LRIF1: variants seen among roughly 807,000 people sequenced by gnomAD.
LRIF1 encodes the protein ligand-dependent nuclear receptor-interacting factor 1.
In LRIF1, 32 loss-of-function variants were observed where a neutral mutation model predicts 52.7. That is an observed-to-expected ratio of 0.61 (90% CI 0.46 to 0.82). LRIF1 has a LOEUF of 0.82. Ranked by LOEUF, LRIF1 falls within the 40% of genes least tolerant of loss-of-function variation. The pLI, the probability that LRIF1 is intolerant of heterozygous loss-of-function variation, is 0.00. For missense variants in LRIF1, 887 were observed against 892.0 expected, an observed-to-expected ratio of 0.99 and a Z score of 0.07; for synonymous variants, 323 against 317.4, an observed-to-expected ratio of 1.02 and a Z score of -0.19.
chr1:110,952,514 C>T lies in LRIF1; in HGVS notation c.370G>A (p.Gly124Arg). 1.2e-6 allele frequency: 2 copies of T among 1,613,652 alleles called. No individual in the cohort carries two copies. The highest frequency in any genetic ancestry group is 1.7e-6 in the Non-Finnish European group (2 of 1,179,620). ...TSEKGRVTSVGTGNFSSSVSK... is the reference protein window; with the variant it reads ...TSEKGRVTSVRTGNFSSSVSK... ...ACTGATGAAGAAAAATTTCCAGTTC[C>T]CACAGAAGTAACTCTACCTTTTTCT... The change falls in exon 2 of 4, where the codon GGA becomes AGA. Residue 124 changes from glycine to arginine, a missense_variant. Physicochemically the swap from Gly to Arg is moderately radical, Grantham distance 125. Transcript: ENST00000369763.
In LRIF1 at chr1:110,952,234, G is replaced by A; in HGVS notation, c.650C>T (p.Thr217Ile). 6.2e-7 allele frequency: 1 copy of A among 1,614,198 alleles called. No homozygotes were observed. The highest frequency in any genetic ancestry group is 8.5e-7 in the Non-Finnish European group (1 of 1,180,048). ...QKILATATTS[T>I]SGMVEASQMP... ...TTGGGAGGCCTCAACCATTCCTGAG[G>A]TACTGGTGGTGGCAGTTGCAAGTAT... Residue 217 changes from threonine to isoleucine, a missense_variant, in exon 2 of 4, where the codon ACC (threonine) becomes ATC (isoleucine). Physicochemically the swap from Thr to Ile is moderately conservative, Grantham distance 89. Transcript: ENST00000369763.
At chr1:110,953,643 ATC>A (rs999225828) in intron 1 of LRIF1, among the ~76,000 whole-genome samples, 10 of 152,078 alleles carry the variant, frequency 6.6e-5, no homozygotes, top group African/African-American at 1.9e-4. Context: ...ATATATACTA[ATC>A]TCTGTTTGCA....
chr1:110,912,313 G>T, the LRIF1 span, among the ~76,000 whole-genome samples: 1 of 152,082 alleles, frequency 6.6e-6, no homozygotes, highest in Non-Finnish European at 1.5e-5. Flanking sequence ...CTGGGTTCAA[G>T]CGATTCTCAT....
chr1:110,927,433 A>G, the LRIF1 span, among the ~76,000 whole-genome samples: 1 of 152,198 alleles, frequency 6.6e-6, no homozygotes, highest in Non-Finnish European at 1.5e-5. Flanking sequence ...AACACAGAGG[A>G]ATAACCTGAA....
chr1:110,888,892 T>A, the LRIF1 span, among the ~76,000 whole-genome samples: 1 of 152,330 alleles, frequency 6.6e-6, no homozygotes, highest in South Asian at 2.1e-4. Context: ...GGGGACTACA[T>A]TCATTTGAAT....
chr1:110,957,688 G>A (rs1020754295), intron 1 of LRIF1, among the ~76,000 whole-genome samples: 1 of 152,108 alleles, frequency 6.6e-6, no homozygotes, highest in Non-Finnish European at 1.5e-5. Context: ...AAAAGTAGTA[G>A]TCTATCCTAC....
the LRIF1 span, among the ~76,000 whole-genome samples, chr1:110,886,846 A>AATATATAT: frequency 5.8e-4 from 59 of 101,000 alleles, no homozygotes; most frequent in Middle Eastern, 6.0e-3. Context: ...CTCTGTCTCC[A>AATATATAT]ATATATATAT....
chr1:110,883,915 T>C, the LRIF1 span, among the ~76,000 whole-genome samples: 6 of 152,100 alleles, frequency 3.9e-5, 2 homozygotes, highest in Admixed American at 3.9e-4. Flanking sequence ...TTGTTCTCTA[T>C]TTTAAAATTG....
the LRIF1 span, chr1:110,936,625 C>A: frequency 6.6e-6 from 1 of 151,766 alleles, no homozygotes; most frequent in Non-Finnish European, 1.5e-5. Context: ...AAGCAAGAAA[C>A]TAAATCATAT....
the LRIF1 span, among the ~76,000 whole-genome samples, chr1:110,905,411 A>T: frequency 6.6e-6 from 1 of 152,138 alleles, no homozygotes; most frequent in Non-Finnish European, 1.5e-5. Context: ...CAAATAACAT[A>T]CAATGGAGCT....
chr1:110,911,316 C>A, the LRIF1 span, among the ~76,000 whole-genome samples: 1 of 152,194 alleles, frequency 6.6e-6, no homozygotes, highest in African/African-American at 2.4e-5. Flanking sequence ...AAATCCTGAA[C>A]AGATCAATTA....
At chr1:110,901,529 T>G in the LRIF1 span, among the ~76,000 whole-genome samples, 1 of 133,188 alleles carries the variant, frequency 7.5e-6, no homozygotes, top group African/African-American at 2.8e-5. Context: ...CAGGCTGGAG[T>G]GCAGAGGCCT....
At chr1:110,910,861 G>A in the LRIF1 span, among the ~76,000 whole-genome samples, 1 of 152,134 alleles carries the variant, frequency 6.6e-6, no homozygotes, top group Non-Finnish European at 1.5e-5. Flanking sequence ...GTAGTGTTAA[G>A]GAGAAATTTT....
chr1:110,942,774 G>T (rs932411172), downstream of LRIF1, among the ~76,000 whole-genome samples: 3 of 152,028 alleles, frequency 2.0e-5, no homozygotes, highest in African/African-American at 7.2e-5. Context: ...GGCAAATTTT[G>T]GGTGGGTAAT....
chr1:110,885,572 G>T, the LRIF1 span, among the ~76,000 whole-genome samples: 1 of 148,856 alleles, frequency 6.7e-6, no homozygotes, highest in Admixed American at 6.7e-5. Flanking sequence ...AACAAAAAAA[G>T]AGATTTAAGA....
Position 110,951,212 on chromosome 1 carries a change from G to C in LRIF1, c.1596+76C>G. 2.5e-6 allele frequency: 3 copies of C among 1,195,056 alleles called. No individual in the cohort carries two copies. The South Asian group carries it at 4.6e-5, about 18-fold the overall frequency. 74.0% of individuals were successfully genotyped at this position (1,195,056 alleles called of 1,614,324 possible). A position where few individuals can be genotyped will look rare whatever the true frequency, so the allele number is the denominator to read the frequency against. On this transcript the variant is annotated intron_variant, in intron 2 of 3. Coordinates refer to ENST00000369763, the MANE Select transcript of LRIF1 (RefSeq NM_018372.4). ...GGCAGTGGGGGAAAGAGGTATCATA[G>C]ATAACTTTGAGAATTAAGAAAACAA...
At chr1:110,950,197 T>A in intron 2 of LRIF1, 74 bp from the exon 3 acceptor site, 1 of 1,454,438 alleles carries the variant, frequency 6.9e-7, no homozygotes, top group Non-Finnish European at 9.2e-7. Context: ...AACTAAGTGA[T>A]TATTTCATCT....
the LRIF1 span, among the ~76,000 whole-genome samples, chr1:110,878,257 T>G: frequency 6.6e-6 from 1 of 152,224 alleles, no homozygotes; most frequent in African/African-American, 2.4e-5. Flanking sequence ...GGCCTACATT[T>G]GGGAGCCCTC....
chr1:110,898,493 C>T, the LRIF1 span, among the ~76,000 whole-genome samples: 2 of 151,888 alleles, frequency 1.3e-5, no homozygotes, highest in African/African-American at 2.4e-5. Context: ...CCACTGTGAT[C>T]CCTCCTCAGC....
Sources: allele counts gnomAD v4.1 joint callset (sites outside exome capture counted in the v4.1 genomes callset), GRCh38; gene constraint gnomAD v4.1.1; transcripts MANE v1.5; gene names NCBI Gene and HGNC (gene_info 2026-07-23, HGNC 2026-07-21).